The following RBFOX3 variants were observed in gnomAD, a reference collection of about 807,000 sequenced individuals.
RBFOX3 encodes the protein RNA binding protein fox-1 homolog 3.
In RBFOX3, 17 loss-of-function variants were observed where a neutral mutation model predicts 48.7. The observed-to-expected ratio is 0.35, with a 90% CI of 0.24 to 0.52. RBFOX3 has a LOEUF of 0.52. RBFOX3 is among the 20% of genes least tolerant of loss of function. RBFOX3 has a pLI of 0.94. For synonymous variants in RBFOX3, 212 were observed against 209.5 expected (o/e 1.01, Z -0.10); for missense variants, 382 against 497.5 (o/e 0.77, Z 2.21).
At chr17:79,428,078 T>G (rs1396502624) in intron 2 of RBFOX3, among the ~76,000 whole-genome samples, 2 of 152,192 alleles carry the variant, frequency 1.3e-5, no homozygotes, top group Non-Finnish European at 2.9e-5. Flanking sequence ...CCTTAAGAAA[T>G]GGGCCCACAA....
At chr17:79,440,718 C>T (rs957426401) in intron 2 of RBFOX3, among the ~76,000 whole-genome samples, 4 of 152,148 alleles carry the variant, frequency 2.6e-5, no homozygotes, top group Non-Finnish European at 5.9e-5. Flanking sequence ...GCTCTAGTTC[C>T]CCAGCACAAC....
chr17:79,442,225 G>GGGAGGGAGGGAGGA lies in RBFOX3; in HGVS notation c.-175+40228_-175+40229insTCCTCCCTCCCTCC, dbSNP rs2071088965. ...AGGAGGAGGGAGGGGGAGAGAGAGA[G>GGGAGGGAGGGAGGA]AGAGAGAGAGAGAGAGAGAGAGAGA... is the stretch of plus-strand genomic sequence containing the variant. On this transcript the variant is annotated intron_variant, in intron 2 of 14. Transcript: ENST00000693108. 5.1e-4 allele frequency among the ~76,000 whole-genome samples: 2 copies of GGGAGGGAGGGAGGA among 3,958 alleles called. 1 individual carries two copies. The highest frequency in any genetic ancestry group is 2.9e-3 in the African/African-American group (2 of 694). The allele number at this position is 3,958 out of a possible 152,430, so 2.6% of individuals were successfully genotyped here.
chr17:79,129,245 T>C (rs2038148574), intron 4 of RBFOX3, among the ~76,000 whole-genome samples: 1 of 152,208 alleles, frequency 6.6e-6, no homozygotes, highest in African/African-American at 2.4e-5. Context: ...TTCAATGCGC[T>C]AAACTGGCAT....
At chr17:79,312,878 G>A (rs1455408901) in intron 2 of RBFOX3, among the ~76,000 whole-genome samples, 1 of 152,216 alleles carries the variant, frequency 6.6e-6, no homozygotes, top group Non-Finnish European at 1.5e-5. Context: ...AGGAGTGGGA[G>A]AGAAAGGACA....
intron 1 of RBFOX3, among the ~76,000 whole-genome samples, chr17:79,540,110 G>A (rs1273891316): frequency 6.6e-6 from 1 of 152,202 alleles, no homozygotes; most frequent in Non-Finnish European, 1.5e-5. Context: ...TGTGTCCAGG[G>A]TGATATTTCT....
intron 3 of RBFOX3, among the ~76,000 whole-genome samples, chr17:79,246,064 C>G (rs890914690): frequency 6.6e-6 from 1 of 152,186 alleles, no homozygotes; most frequent in Admixed American, 6.5e-5. Context: ...TCAAAAAGCC[C>G]CACTGCCTCA....
chr17:79,592,572 C>G (rs1259447818), intron 1 of RBFOX3, among the ~76,000 whole-genome samples: 1 of 152,046 alleles, frequency 6.6e-6, no homozygotes, highest in Non-Finnish European at 1.5e-5. Flanking sequence ...CCGTGGACTG[C>G]CTGTCCCTGG....
rs1411068802 is a variant in RBFOX3, at chr17:79,482,009, T to A, written c.-175+445A>T. 6.6e-6 allele frequency among the ~76,000 whole-genome samples: 1 copy of A among 152,086 alleles called. No individual in the cohort carries two copies. Among genetic ancestry groups the A allele is most frequent in the Non-Finnish European group, 1.5e-5 (1 of 67,998 alleles). ...CCCTCTCGGGGTGGGAACAGAGGCA[T>A]CATGCCGTCCCCTCTAGAGCCACAG... is the stretch of plus-strand genomic sequence containing the variant. On this transcript the variant is annotated intron_variant, in intron 2 of 14. Transcript: ENST00000693108. The surrounding 1 kb of genome is among the most constrained non-coding windows in gnomAD (Gnocchi z 4.1).
chr17:79,327,190 A>G (rs141677576), intron 2 of RBFOX3, among the ~76,000 whole-genome samples: 5 of 152,206 alleles, frequency 3.3e-5, no homozygotes, highest in South Asian at 2.1e-4. Context: ...TCTTTCCTTT[A>G]TCCATTCCCT....
chr17:79,584,832 C>G (rs986498453), intron 1 of RBFOX3, among the ~76,000 whole-genome samples: 1 of 151,892 alleles, frequency 6.6e-6, no homozygotes, highest in African/African-American at 2.4e-5. Context: ...GTGGCACGAT[C>G]TCAGCTCACT....
At chr17:79,301,652 C>T (rs1166555327) in intron 3 of RBFOX3, among the ~76,000 whole-genome samples, 1 of 152,100 alleles carries the variant, frequency 6.6e-6, no homozygotes, top group Non-Finnish European at 1.5e-5. Flanking sequence ...CAATGCAGAC[C>T]CACCCGCAGC....
At chr17:79,651,498 T>A in the RBFOX3 span, among the ~76,000 whole-genome samples, 1 of 152,118 alleles carries the variant, frequency 6.6e-6, no homozygotes, top group African/African-American at 2.4e-5. Flanking sequence ...TTGGTCTCTG[T>A]GACTGATGGA....
At chr17:79,505,900 C>A (rs1369267812) in intron 1 of RBFOX3, among the ~76,000 whole-genome samples, 1 of 152,188 alleles carries the variant, frequency 6.6e-6, no homozygotes, top group Non-Finnish European at 1.5e-5. Flanking sequence ...TGGGGTCTGG[C>A]ATGGCCCCTA....
intron 8 of RBFOX3, among the ~76,000 whole-genome samples, chr17:79,102,952 G>T (rs1297981887): frequency 6.6e-6 from 1 of 152,196 alleles, no homozygotes; most frequent in East Asian, 1.9e-4. Context: ...GGGGAGAGGG[G>T]ACCTCGGGTG....
Position 79,284,598 on chromosome 17 carries a change from G to A in RBFOX3, c.-74+23126C>T, listed in dbSNP as rs557168954. ...GTCACCCAGCAGGCTAGAGTGTAGT[G>A]GCTTGATCTCGACTTACTGCAACCT... On this transcript the variant is annotated intron_variant, in intron 3 of 14. Coordinates refer to ENST00000693108, the MANE Select transcript of RBFOX3 (RefSeq NM_001350451.2). Among the ~76,000 whole-genome samples, 6 of 147,956 alleles carry A rather than the reference G, an allele frequency of 4.1e-5. No individual in the cohort carries two copies. In the South Asian group the frequency reaches 1.3e-3, roughly 33 times the overall value.
At chr17:79,450,536 T>C (rs1289993997) in intron 2 of RBFOX3, among the ~76,000 whole-genome samples, 1 of 63,442 alleles carries the variant, frequency 1.6e-5, no homozygotes, top group Non-Finnish European at 4.4e-5. Flanking sequence ...CACCCTGGAC[T>C]TCTGATTTTT....
intron 3 of RBFOX3, among the ~76,000 whole-genome samples, chr17:79,262,235 T>A (rs926288685): frequency 6.6e-6 from 1 of 152,090 alleles, no homozygotes. Context: ...CCTCAGCTTC[T>A]CCATGGAGGC....
chr17:79,367,028 G>C (rs1443734879), intron 2 of RBFOX3, among the ~76,000 whole-genome samples: 2 of 152,204 alleles, frequency 1.3e-5, no homozygotes, highest in African/African-American at 4.8e-5. Context: ...GAGCTACGCA[G>C]AGGTCTGCTG....
At position 79,104,083 on chromosome 17, in the gene RBFOX3, C is replaced by T. The variant is rs2076940658; in HGVS notation, c.404G>A (p.Arg135Gln). The T allele has an allele frequency of 1.3e-6, 2 of 1,551,112 alleles. No homozygotes were observed. Among genetic ancestry groups the T allele is most frequent in the Admixed American group, 2.0e-5 (1 of 50,994 alleles). Residue 135 changes from arginine (R) to glutamine (Q), a missense_variant, in exon 7 of 15, where the codon CGG (arginine) becomes CAG (glutamine). Physicochemically the swap from Arg to Gln is conservative, Grantham distance 43. Coordinates refer to ENST00000693108, the MANE Select transcript of RBFOX3 (RefSeq NM_001350451.2). Reference protein sequence around the residue: ...ILDVEIIFNERGSKGFGFVTF... With the variant: ...ILDVEIIFNEQGSKGFGFVTF... ...CCGTGCGGCACCCACCTTGGAGCCC[C>T]GCTCGTTAAAAATGATCTCCACGTC... is the stretch of plus-strand genomic sequence containing the variant.
Sources: gnomAD v4.1 joint callset for allele counts (sites outside exome capture counted in the v4.1 genomes callset) on GRCh38, gnomAD v4.1.1 for gene constraint, Gnocchi (gnomAD v3.1) non-coding constraint, MANE v1.5 for transcripts, NCBI Gene and HGNC (gene_info 2026-07-23, HGNC 2026-07-21) for gene names.